Variants in ATM observed in about 807,000 individuals in gnomAD.
ATM encodes the protein serine-protein kinase ATM.
Under a neutral mutation model 387.0 loss-of-function variants are expected in ATM, and 308 were observed. The ratio of observed to expected loss-of-function variants is 0.80; its 90% confidence interval spans 0.73 to 0.87. ATM has a LOEUF of 0.87. Among genes scored for constraint, ATM ranks in the 40% least tolerant of loss-of-function variants. The probability of loss-of-function intolerance (pLI) is 0.00; values close to 1 mark genes in which losing one functional copy is unlikely to be tolerated. For missense variants in ATM, 3,312 were observed against 3,560.9 expected (o/e 0.93, Z 1.78); for synonymous variants, 1,156 against 1,187.3 (o/e 0.97, Z 0.54).
At chr11:108,238,422 G>T (rs557804879) in intron 5 of ATM, among the ~76,000 whole-genome samples, 15 of 152,200 alleles carry the variant, frequency 9.9e-5, no homozygotes, top group Non-Finnish European at 1.5e-4. Context: ...AAAGTGTTGG[G>T]ATTATAGGCA....
chr11:108,245,748 TA>T (rs1591507037), intron 7 of ATM, among the ~76,000 whole-genome samples: 1 of 152,020 alleles, frequency 6.6e-6, no homozygotes, highest in Non-Finnish European at 1.5e-5. Context: ...TCATGGCTAG[TA>T]TAGTGACTTT....
rs2136130260 is a variant in ATM, at chr11:108,316,073, C to A, written c.6158C>A (p.Thr2053Lys). 1 of 1,614,098 alleles carries A rather than the reference C, an allele frequency of 6.2e-7. No individual in the cohort carries two copies. ...GKALVTYDLE[T>K]AIPSSTRQAG... ...GCCCTAGTAACATATGACCTCGAAACAGCAATCCCCTCATCAACACGCCAG... is the reference window on the plus strand; with the variant it reads ...GCCCTAGTAACATATGACCTCGAAAAAGCAATCCCCTCATCAACACGCCAG... The change falls in exon 42 of 63, where the codon ACA becomes AAA. Residue 2053 changes from threonine to lysine, a missense_variant. By Grantham distance (78) the Thr-to-Lys change is moderately conservative. Transcript: ENST00000675843.
intron 16 of ATM, among the ~76,000 whole-genome samples, chr11:108,266,097 C>G (rs1384619812): frequency 6.6e-6 from 1 of 151,656 alleles, no homozygotes; most frequent in East Asian, 2.0e-4. Context: ...GGATCTAGAA[C>G]TGGAAATACC....
Position 108,301,918 on chromosome 11 carries a change from T to G in ATM, c.5319+129T>G, listed in dbSNP as rs1460288004. On this transcript the variant is annotated intron_variant, in intron 35 of 62. Coordinates refer to ENST00000675843, the MANE Select transcript of ATM (RefSeq NM_000051.4). ...CTATTAACCTTTCCTATAAGTAATT[T>G]AAGCCATATTTCATAAATCCAGGGA... The G allele has an allele frequency of 1.0e-5, 11 of 1,047,972 alleles. No individual in the cohort carries two copies. In the Admixed American group the frequency reaches 2.5e-4, roughly 24 times the overall value. The allele number at this position is 1,047,972 out of a possible 1,614,324, so 64.9% of individuals were successfully genotyped here.
At chr11:108,282,131 T>C in intron 24 of ATM, among the ~76,000 whole-genome samples, 1 of 150,402 alleles carries the variant, frequency 6.6e-6, no homozygotes. Flanking sequence ...CTGGCTAATT[T>C]TTTTTTTTTT....
At position 108,338,545 on chromosome 11, in the gene ATM, C is replaced by T. The variant is rs146706126; in HGVS notation, c.8268+2584C>T. Among the ~76,000 whole-genome samples the T allele has an allele frequency of 1.3e-3, 194 of 152,140 alleles. 1 individual carries two copies. Among genetic ancestry groups the T allele is most frequent in the African/African-American group, 4.4e-3 (181 of 41,490 alleles). The stretch of plus-strand genomic sequence containing the variant: ...TGGCATGCACCTATAGTCCCAGCTA[C>T]TCAAGAAGCTAAAGCGTGAGGATTG... On this transcript the variant is annotated intron_variant, in intron 56 of 62. Coordinates refer to ENST00000675843, the MANE Select transcript of ATM (RefSeq NM_000051.4).
At chr11:108,236,795 T>TGACC (rs2079301794) in intron 5 of ATM, among the ~76,000 whole-genome samples, 1 of 152,024 alleles carries the variant, frequency 6.6e-6, no homozygotes, top group Non-Finnish European at 1.5e-5. Context: ...AGCTGGGAGG[T>TGACC]ACTGAGAGAC....
intron 5 of ATM, among the ~76,000 whole-genome samples, chr11:108,239,597 C>T (rs947262055): frequency 5.9e-5 from 9 of 152,250 alleles, no homozygotes; most frequent in South Asian, 4.1e-4. Flanking sequence ...ATAATGCTGC[C>T]GTGAACATGA....
chr11:108,314,005 A>G (rs532559018), intron 40 of ATM, among the ~76,000 whole-genome samples: 1 of 152,310 alleles, frequency 6.6e-6, no homozygotes, highest in African/African-American at 2.4e-5. Context: ...AATTTTACCA[A>G]TTCCAATACA....
intron 1 of ATM, chr11:108,226,257 ATAG>A (rs1302406480): frequency 2.0e-5 from 3 of 152,142 alleles, no homozygotes; most frequent in Non-Finnish European, 4.4e-5. Flanking sequence ...GGTAGTGAGC[ATAG>A]TACCTGATAG....
At chr11:108,334,374 A>G (rs1439088993) in intron 54 of ATM, among the ~76,000 whole-genome samples, 1 of 152,216 alleles carries the variant, frequency 6.6e-6, no homozygotes, top group Non-Finnish European at 1.5e-5. Flanking sequence ...TAAGTAATAT[A>G]GTATGTATTA....
intron 57 of ATM, 102 bp downstream of exon 57, chr11:108,343,473 A>C (rs932951412): frequency 7.2e-6 from 10 of 1,396,528 alleles, no homozygotes; most frequent in Non-Finnish European, 9.9e-6. Flanking sequence ...CTTTAATTTC[A>C]TCAGGTAATT....
Position 108,267,518 on chromosome 11 carries a change from G to C in ATM, c.2638+176G>C, listed in dbSNP as rs189978740. On this transcript the variant is annotated intron_variant, in intron 17 of 62. Coordinates refer to ENST00000675843, the MANE Select transcript of ATM (RefSeq NM_000051.4). Reference sequence around the variant, plus strand: ...TTTTTATTTTTACTTGAATTTATTAGTTTCATATTTTATTCTTCATAGAAG... The same window carrying C: ...TTTTTATTTTTACTTGAATTTATTACTTTCATATTTTATTCTTCATAGAAG... Among the ~76,000 whole-genome samples, 271 of 149,634 alleles carry C rather than the reference G, an allele frequency of 1.8e-3. 2 individuals carry two copies. Among genetic ancestry groups the C allele is most frequent in the African/African-American group, 6.4e-3 (261 of 40,624 alleles).
intron 29 of ATM, chr11:108,290,297 A>G (rs2135772882): frequency 6.6e-6 from 1 of 152,488 alleles, no homozygotes; most frequent in South Asian, 2.1e-4. Flanking sequence ...CCTGGGAAAC[A>G]TAGCAGACCT....
chr11:108,339,351 T>C (rs1213430972), intron 56 of ATM, among the ~76,000 whole-genome samples: 1 of 152,220 alleles, frequency 6.6e-6, no homozygotes. Flanking sequence ...AAATAATTTT[T>C]ATTCCTTGTC....
chr11:108,278,361 G>C (rs1565437445), intron 22 of ATM, among the ~76,000 whole-genome samples: 1 of 152,040 alleles, frequency 6.6e-6, no homozygotes, highest in Non-Finnish European at 1.5e-5. Flanking sequence ...TAAGGACTGA[G>C]GTAATATAAG....
chr11:108,263,811 C>T (rs2081056242), intron 16 of ATM, among the ~76,000 whole-genome samples: 4 of 150,202 alleles, frequency 2.7e-5, no homozygotes, highest in African/African-American at 9.9e-5. Flanking sequence ...CACCACCGAT[C>T]CCACAGCAAT....
rs1429783357 is a variant in ATM at position 108,368,568 on chromosome 11, T to C, written c.*3060T>C. On this transcript the variant is annotated 3_prime_UTR_variant, in exon 63 of 63. Transcript: ENST00000675843. ...TAGTAAATTATAAGTACAAGTGTAA[T>C]ATGGACAGTATCTAACTTGAAAAGA... 2 of 217,758 alleles carry C rather than the reference T, an allele frequency of 9.2e-6. No homozygotes were observed. The highest frequency in any genetic ancestry group is 4.5e-5 in the African/African-American group (2 of 44,488). The allele number at this position is 217,758 out of a possible 1,614,324, so 13.5% of individuals were successfully genotyped here.
intron 31 of ATM, among the ~76,000 whole-genome samples, chr11:108,293,891 AAAAATATATATAT>A (rs1281839872): frequency 1.7e-5 from 2 of 116,536 alleles, no homozygotes; most frequent in Non-Finnish European, 3.6e-5. Flanking sequence ...AAAAAAAAAA[AAAAATATATATAT>A]ATATATATAT....
Sources: gnomAD v4.1 joint callset for allele counts (sites outside exome capture counted in the v4.1 genomes callset) on GRCh38, gnomAD v4.1.1 for gene constraint, MANE v1.5 for transcripts, NCBI Gene and HGNC (gene_info 2026-07-23, HGNC 2026-07-21) for gene names.